DCC: variants seen among roughly 807,000 people sequenced by gnomAD.
DCC encodes DCC netrin 1 receptor, also known as netrin receptor DCC.
A neutral mutation model predicts 172.5 loss-of-function variants in DCC; 58 were observed. That is an observed-to-expected ratio of 0.34 (90% CI 0.27 to 0.42). DCC has a LOEUF of 0.42. Among genes scored for constraint, DCC ranks in the 10% least tolerant of loss-of-function variants. DCC has a pLI of 1.00. For missense variants in DCC, 1,740 were observed against 1,791.0 expected (o/e 0.97, Z 0.51); for synonymous variants, 709 against 644.5 (o/e 1.10, Z -1.52).
At chr18:53,128,768 T>TACTGTTAAA (rs1412250512) in intron 7 of DCC, among the ~76,000 whole-genome samples, 1 of 150,386 alleles carries the variant, frequency 6.6e-6, no homozygotes, top group Non-Finnish European at 1.5e-5. Context: ...CTGAAACAGT[T>TACTGTTAAA]ACTGTTAAAA....
At chr18:52,966,667 C>T (rs1230008349) in intron 5 of DCC, among the ~76,000 whole-genome samples, 1 of 152,170 alleles carries the variant, frequency 6.6e-6, no homozygotes, top group Non-Finnish European at 1.5e-5. Context: ...TTGAGTACAG[C>T]TATGTTAGGC....
rs1351738582 is a variant in DCC at position 52,657,077 on chromosome 18, A to C, written c.92-94977A>C. 4.6e-5 allele frequency among the ~76,000 whole-genome samples: 7 copies of C among 152,318 alleles called. No individual in the cohort carries two copies. The East Asian group carries it at 1.4e-3, about 29-fold the overall frequency. ...CCTTATGTAGTGATAGAGACACTGCAATATACAAGATTAAAGTGAGTGACC... is the reference window on the plus strand; with the variant it reads ...CCTTATGTAGTGATAGAGACACTGCCATATACAAGATTAAAGTGAGTGACC... On this transcript the variant is annotated intron_variant, in intron 1 of 28. Coordinates refer to ENST00000442544, the MANE Select transcript of DCC (RefSeq NM_005215.4).
chr18:52,879,406 G>GT (rs2039447640), intron 2 of DCC, among the ~76,000 whole-genome samples: 1 of 57,154 alleles, frequency 1.7e-5, no homozygotes. Flanking sequence ...CCCATATGTT[G>GT]TTTGGCTTTT....
intron 6 of DCC, among the ~76,000 whole-genome samples, chr18:53,065,489 C>T (rs560995350): frequency 5.9e-5 from 9 of 152,244 alleles, no homozygotes; most frequent in African/African-American, 2.2e-4. Context: ...GTAAAATATT[C>T]ACCATACTCC....
At chr18:53,315,958 G>A (rs781140574) in intron 13 of DCC, among the ~76,000 whole-genome samples, 1 of 152,078 alleles carries the variant, frequency 6.6e-6, no homozygotes, top group Non-Finnish European at 1.5e-5. Context: ...CTGTGCAGAA[G>A]CTCTTTAGTT....
At chr18:52,943,006 C>G (rs985626347) in intron 5 of DCC, among the ~76,000 whole-genome samples, 1 of 152,048 alleles carries the variant, frequency 6.6e-6, no homozygotes, top group Non-Finnish European at 1.5e-5. Context: ...TAATAAAATG[C>G]CTGCCACAGA....
At chr18:52,529,137 G>T (rs2032071435) in intron 1 of DCC, among the ~76,000 whole-genome samples, 1 of 152,100 alleles carries the variant, frequency 6.6e-6, no homozygotes, top group South Asian at 2.1e-4. Context: ...AGAAGACATG[G>T]TTTCCTAAAT....
rs1258572522 is a variant in DCC, at chr18:53,430,632, A to C, written c.3164-4512A>C. Among the ~76,000 whole-genome samples the C allele has an allele frequency of 6.6e-5, 10 of 152,316 alleles. No individual in the cohort carries two copies. The East Asian group carries it at 1.7e-3, about 26-fold the overall frequency. ...TTTATACGTACACCACAATAAAAAC[A>C]TGCAAATAATTCAGGTGACATGTAA... On this transcript the variant is annotated intron_variant, in intron 21 of 28. Transcript: ENST00000442544.
At chr18:53,189,400 A>C (rs981877750) in intron 9 of DCC, among the ~76,000 whole-genome samples, 1 of 151,812 alleles carries the variant, frequency 6.6e-6, no homozygotes, top group African/African-American at 2.4e-5. Flanking sequence ...AAAACATAGC[A>C]ATGCCAACAC....
intron 1 of DCC, among the ~76,000 whole-genome samples, chr18:52,656,035 T>C (rs1307272050): frequency 6.9e-6 from 1 of 145,638 alleles, no homozygotes; most frequent in Non-Finnish European, 1.5e-5. Context: ...TATGTATATA[T>C]GTGTGTATAT....
intron 12 of DCC, among the ~76,000 whole-genome samples, chr18:53,276,879 C>T (rs1364736450): frequency 6.6e-6 from 1 of 151,954 alleles, no homozygotes; most frequent in South Asian, 2.1e-4. Context: ...AGTGTAGGAA[C>T]CAGGACCATA....
chr18:52,642,071 TATATATATAC>T (rs2034914551), intron 1 of DCC, among the ~76,000 whole-genome samples: 14 of 9,036 alleles, frequency 1.5e-3, no homozygotes, highest in Admixed American at 2.1e-3. Context: ...TGTATATATA[TATATATATAC>T]ACACACACAC....
At chr18:52,840,480 A>G (rs2038784879) in intron 2 of DCC, among the ~76,000 whole-genome samples, 1 of 152,182 alleles carries the variant, frequency 6.6e-6, no homozygotes, top group Non-Finnish European at 1.5e-5. Context: ...TTGTAGAACC[A>G]TTCTAAGTGT....
At chr18:53,515,485 A>G (rs1297055982) in intron 27 of DCC, among the ~76,000 whole-genome samples, 1 of 149,628 alleles carries the variant, frequency 6.7e-6, no homozygotes. Context: ...AGGGTATTCA[A>G]TTAGGAAAAG....
intron 18 of DCC, among the ~76,000 whole-genome samples, chr18:53,400,082 A>G (rs548162847): frequency 8.5e-5 from 13 of 152,284 alleles, no homozygotes; most frequent in African/African-American, 2.9e-4. Flanking sequence ...CCAATAAAAA[A>G]GAAAAAGCAT....
chr18:53,002,188 T>A (rs770073178), intron 5 of DCC, among the ~76,000 whole-genome samples: 1 of 152,092 alleles, frequency 6.6e-6, no homozygotes, highest in Non-Finnish European at 1.5e-5. Context: ...TTTTGCATTG[T>A]GAAATACAGC....
intron 1 of DCC, among the ~76,000 whole-genome samples, chr18:52,411,393 T>C (rs536538740): frequency 1.3e-5 from 2 of 152,268 alleles, no homozygotes; most frequent in South Asian, 4.1e-4. Flanking sequence ...GGACCCTGCA[T>C]GGAAAACTAA....
At chr18:53,460,034 A>C (rs2045532081) in intron 24 of DCC, among the ~76,000 whole-genome samples, 1 of 123,190 alleles carries the variant, frequency 8.1e-6, no homozygotes, top group African/African-American at 3.0e-5. Flanking sequence ...TCTGAAAACT[A>C]TGTTGTTATA....
chr18:53,470,993 G>A (rs2045689030), intron 25 of DCC, among the ~76,000 whole-genome samples: 1 of 152,218 alleles, frequency 6.6e-6, no homozygotes, highest in Admixed American at 6.5e-5. Flanking sequence ...CCTAAATTCA[G>A]TCTTTTACCA....
Sources: allele counts gnomAD v4.1 joint callset (sites outside exome capture counted in the v4.1 genomes callset), GRCh38; gene constraint gnomAD v4.1.1; transcripts MANE v1.5; gene names NCBI Gene and HGNC (gene_info 2026-07-23, HGNC 2026-07-21).